Variants in TTN observed in about 807,000 individuals in gnomAD.
TTN encodes the protein connectin.
A neutral mutation model predicts 3,223.0 loss-of-function variants in TTN; 1,525 were observed. The ratio of observed to expected loss-of-function variants is 0.47; its 90% CI spans 0.45 to 0.49. The LOEUF (loss-of-function observed/expected upper bound fraction) is 0.49, where lower values mean the gene tolerates loss of function less well. Among genes scored for constraint, TTN ranks in the 20% least tolerant of loss-of-function variants. The pLI, the probability that TTN is intolerant of heterozygous loss-of-function variation, is 0.00. For missense variants in TTN, 40,786 were observed against 43,424.0 expected (o/e 0.94, Z 5.40); for synonymous variants, 14,094 against 15,161.0 (o/e 0.93, Z 5.17).
chr2:178,686,113 ATTTT>A lies in TTN; in HGVS notation c.32312-519_32312-516del, dbSNP rs765570520. Among the ~76,000 whole-genome samples the A allele has an allele frequency of 1.0e-4, 8 of 77,800 alleles. No homozygotes were observed. In the East Asian group the frequency reaches 1.3e-3, roughly 12 times the overall value. 51.0% of individuals were successfully genotyped at this position (77,800 alleles called of 152,430 possible). On this transcript the variant is annotated intron_variant, in intron 127 of 362. Transcript: ENST00000589042. Reference sequence around the variant, plus strand: ...TTGAGCCTAAGTGTATACAGTTTTAATTTTTTTTTTTTTTTTTTTTTTTTTGAGA... The same window carrying A: ...TTGAGCCTAAGTGTATACAGTTTTAATTTTTTTTTTTTTTTTTTTTTGAGA...
intron 239 of TTN, 137 bp from the exon 240 acceptor site, chr2:178,629,580 G>T: frequency 3.1e-6 from 4 of 1,281,468 alleles, no homozygotes; most frequent in Non-Finnish European, 4.3e-6. Flanking sequence ...ACTCCCACGT[G>T]AACGTGGCCC....
In TTN at chr2:178,574,508, G is replaced by T. The variant is rs771783837; in HGVS notation, c.71624C>A (p.Thr23875Asn). ...RKERNGILWQ[T>N]VSKALVPGNI... ...GCCTGGTACTAAAGCTTTGCTCACA[G>T]TCTGCCAGAGAATACCATTTCGTTC... Residue 23875 changes from threonine (T) to asparagine (N), a missense_variant, in exon 326 of 363, where the codon ACT becomes AAT. Thr to Asn is a moderately conservative substitution (Grantham distance 65). Coordinates refer to ENST00000589042, the MANE Select transcript of TTN (RefSeq NM_001267550.2). 28 of 1,613,484 alleles carry T rather than the reference G, an allele frequency of 1.7e-5. No homozygotes were observed. Among genetic ancestry groups the T allele is most frequent in the Non-Finnish European group, 2.4e-5 (28 of 1,179,630 alleles).
intron 234 of TTN, 58 bp downstream of exon 234, chr2:178,632,860 G>T (rs1484440870): frequency 8.1e-6 from 13 of 1,611,978 alleles, no homozygotes; most frequent in Non-Finnish European, 2.5e-6. Flanking sequence ...CAATGCAGGG[G>T]TGTATCAGGA....
rs538385596 is a variant in TTN, at chr2:178,561,474, C to T, written c.84658G>A (p.Asp28220Asn). ...CGATACTCATACATCAGTCCTTCAT[C>T]AAGGCCGGAGACTTTCATTTGAGTA... Reference protein sequence around the residue: ...ADTQMKVSGLDEGLMYEYRVY... With the variant: ...ADTQMKVSGLNEGLMYEYRVY... Residue 28220 changes from aspartate (D) to asparagine (N), a missense_variant, in exon 326 of 363, where the codon GAT (aspartate) becomes AAT (asparagine). Physicochemically the swap from Asp to Asn is conservative, Grantham distance 23 (BLOSUM62 1). Coordinates refer to ENST00000589042, the MANE Select transcript of TTN (RefSeq NM_001267550.2). The T allele has an allele frequency of 6.2e-7, 1 of 1,613,786 alleles. No individual in the cohort carries two copies. The highest frequency in any genetic ancestry group is 8.5e-7 in the Non-Finnish European group (1 of 1,179,772).
In TTN at chr2:178,567,908, T is replaced by A. The variant is rs776380915; in HGVS notation, c.78224A>T (p.Lys26075Ile). The change falls in exon 326 of 363, where the codon AAA becomes ATA. Residue 26075 changes from lysine to isoleucine, a missense_variant. Transcript: ENST00000589042. ...ATAGCATTCAGAATTCTTGCTTGCT[T>A]TGCCTACACCAACAATATTTTCAGC... Reference protein sequence around the residue: ...VYAENIVGVGKASKNSECYVA... With the variant: ...VYAENIVGVGIASKNSECYVA... 6.2e-7 allele frequency: 1 copy of A among 1,613,436 alleles called. No individual in the cohort carries two copies. The highest frequency in any genetic ancestry group is 1.3e-5 in the African/African-American group (1 of 74,876).
chr2:178,652,646 C>A lies in TTN; in HGVS notation c.39043+7G>T. 6.2e-7 allele frequency: 1 copy of A among 1,612,942 alleles called. No homozygotes were observed. The highest frequency in any genetic ancestry group is 8.5e-7 in the Non-Finnish European group (1 of 1,179,462). The stretch of plus-strand genomic sequence containing the variant: ...ATCTTCTGACGCTTAAACTCAATGA[C>A]AAATACCTTTAACAGGTGGGACTTC... On this transcript the variant is annotated splice_region_variant and intron_variant, in intron 201 of 362. Transcript: ENST00000589042.
Position 178,781,154 on chromosome 2 carries a change from C to T in TTN, c.3490G>A (p.Glu1164Lys). 1 of 1,614,056 alleles carries T rather than the reference C, an allele frequency of 6.2e-7. No homozygotes were observed. The highest frequency in any genetic ancestry group is 1.1e-5 in the South Asian group (1 of 91,086). The stretch of plus-strand genomic sequence containing the variant: ...AGCAAGGAAGCAGATGCAGAAGTTT[C>T]TCCATGCTTATTGCGAACAACAATA... ...YTIVVRNKHG[E>K]TSASASLLEE... The change falls in exon 21 of 363, where the codon GAA (glutamate) becomes AAA (lysine). Residue 1164 changes from glutamate (E) to lysine (K), a missense_variant. Physicochemically the swap from Glu to Lys is moderately conservative, Grantham distance 56. Transcript: ENST00000589042.
rs1306239326 is a variant in TTN at position 178,568,915 on chromosome 2, A to G, written c.77217T>C (p.Ala25739=). The G allele has an allele frequency of 1.2e-6, 2 of 1,613,248 alleles. No homozygotes were observed. The change falls in exon 326 of 363, where the codon GCT becomes GCC. Residue 25739 remains alanine (A), a synonymous_variant. Transcript: ENST00000589042. The part of the protein sequence containing the change: ...KIIQYIVEMQ[A]KHSEKWSECA... ...ACTCTGACCATTTCTCACTGTGTTT[A>G]GCTTGCATTTCCACAATATACTGAA... is the stretch of plus-strand genomic sequence containing the variant.
In TTN at chr2:178,557,468, C is replaced by T; in HGVS notation, c.87794G>A (p.Gly29265Glu). The T allele has an allele frequency of 6.2e-7, 1 of 1,613,928 alleles. No individual in the cohort carries two copies. The highest frequency in any genetic ancestry group is 8.5e-7 in the Non-Finnish European group (1 of 1,179,860). Residue 29265 changes from glycine to glutamate, a missense_variant, in exon 329 of 363, where the codon GGA becomes GAA. Gly to Glu is a moderately conservative substitution (Grantham distance 98). Coordinates refer to ENST00000589042, the MANE Select transcript of TTN (RefSeq NM_001267550.2). ...TVGWHEPVSN[G>E]GSAVVGYHLE... ...GTGATAGCCTACGACTGCACTGCCT[C>T]CATTTGACACTGGTTCATGCCAGCC... is the stretch of plus-strand genomic sequence containing the variant.
At position 178,677,700 on chromosome 2, in the gene TTN, A is replaced by C. The variant is rs1677045383; in HGVS notation, c.34212T>G (p.Tyr11404Ter). The change falls in exon 146 of 363, where the codon TAT becomes TAG. Residue 11404 changes from tyrosine to a stop codon, truncating the protein, a stop_gained. Transcript: ENST00000589042. LOFTEE classifies it high-confidence loss of function. The stretch of plus-strand genomic sequence containing the variant: ...GTACAAATTCTTCTTCCTCAGGTAC[A>C]TATTCTTCTTCGGGAGGAACTTCCT... ...EEEEVPPEEE[Y>*]VPEEEEFVPE... is the part of the protein sequence containing the mutation. 1.9e-6 allele frequency: 3 copies of C among 1,612,746 alleles called. No homozygotes were observed. Among genetic ancestry groups the C allele is most frequent in the Non-Finnish European group, 2.5e-6 (3 of 1,179,166 alleles).
chr2:178,642,632 T>G (rs2061390953), intron 218 of TTN, among the ~76,000 whole-genome samples: 1 of 151,962 alleles, frequency 6.6e-6, no homozygotes, highest in South Asian at 2.1e-4. Context: ...TGACAGCATC[T>G]TTGTCCCAAA....
Position 178,717,112 on chromosome 2 carries a change from G to A in TTN, c.25622C>T (p.Ala8541Val). ...SNIAGKDSCS[A>V]QLGVQEPPRF... ...ACAAGTACCTTGTACACCCAGCTGAGCAGAACAAGAGTCTTTTCCAGCGAT... is the reference window on the plus strand; with the variant it reads ...ACAAGTACCTTGTACACCCAGCTGAACAGAACAAGAGTCTTTTCCAGCGAT... Residue 8541 changes from alanine to valine, a missense_variant, in exon 88 of 363, where the codon GCT becomes GTT. Ala to Val is a moderately conservative substitution (Grantham distance 64). Transcript: ENST00000589042. The A allele has an allele frequency of 6.2e-7, 1 of 1,612,218 alleles. No individual in the cohort carries two copies. The highest frequency in any genetic ancestry group is 8.5e-7 in the Non-Finnish European group (1 of 1,178,624).
intron 41 of TTN, among the ~76,000 whole-genome samples, chr2:178,766,090 G>C (rs2090352226): frequency 6.6e-6 from 1 of 152,302 alleles, no homozygotes; most frequent in Non-Finnish European, 1.5e-5. Context: ...AGCGAATCTA[G>C]AAGCTCATCT....
chr2:178,586,366 CAT>C (rs999482518), intron 308 of TTN, 137 bp downstream of exon 308: 45 of 955,690 alleles, frequency 4.7e-5, no homozygotes, highest in Non-Finnish European at 6.0e-5. Context: ...TTGGCCCACT[CAT>C]GTGTTTGAAA....
Position 178,593,750 on chromosome 2 carries a change from A to G in TTN, c.58550T>C (p.Ile19517Thr), listed in dbSNP as rs72646838. Residue 19517 changes from isoleucine to threonine, a missense_variant, in exon 298 of 363, where the codon ATT becomes ACT. Transcript: ENST00000589042. Reference protein sequence around the residue: ...DGGSKITNYIIEKKEVGKDVW... With the variant: ...DGGSKITNYITEKKEVGKDVW... ...GTCTTTACCCACTTCCTTCTTCTCA[A>G]TAATATAATTGGTGATTTTACTGCC... The G allele has an allele frequency of 1.6e-5, 26 of 1,613,302 alleles. 1 individual carries two copies. In the Middle Eastern group the frequency reaches 9.9e-4, roughly 61 times the overall value.
chr2:178,785,640 T>C lies in TTN; in HGVS notation c.2473A>G (p.Lys825Glu), dbSNP rs781597755. ...CTTACCTCATATCCATGTTCTGTCT[T>C]AGGAACAGAAATTTTTGAAACAGTA... Reference protein sequence around the residue: ...HFTVSKISVPKTEHGYEASIA... With the variant: ...HFTVSKISVPETEHGYEASIA... The change falls in exon 15 of 363, where the codon AAG (lysine) becomes GAG (glutamate). Residue 825 changes from lysine to glutamate, a missense_variant. Lys to Glu is a moderately conservative substitution (Grantham distance 56, BLOSUM62 1). Coordinates refer to ENST00000589042, the MANE Select transcript of TTN (RefSeq NM_001267550.2). The C allele has an allele frequency of 9.3e-6, 15 of 1,614,032 alleles. No individual in the cohort carries two copies. The highest frequency in any genetic ancestry group is 1.1e-5 in the Non-Finnish European group (13 of 1,180,006).
chr2:178,757,039 T>C (rs1297411275), intron 45 of TTN, among the ~76,000 whole-genome samples: 1 of 151,948 alleles, frequency 6.6e-6, no homozygotes, highest in African/African-American at 2.4e-5. Context: ...AGTATCTGGT[T>C]CCTTCTTTCT....
Position 178,533,524 on chromosome 2 carries a change from A to G in TTN, c.103091T>C (p.Met34364Thr), listed in dbSNP as rs1057273567. Residue 34364 changes from methionine to threonine, a missense_variant, in exon 358 of 363, where the codon ATG (methionine) becomes ACG (threonine). Coordinates refer to ENST00000589042, the MANE Select transcript of TTN (RefSeq NM_001267550.2). Reference protein sequence around the residue: ...PPPTDSTLRPMFKRLLANAEC... With the variant: ...PPPTDSTLRPTFKRLLANAEC... ...TGCATTTGCCAGTAACCTTTTGAAC[A>G]TGGGTCTTAAGGTACTATCTGTTGG... 3.7e-6 allele frequency: 6 copies of G among 1,613,738 alleles called. No homozygotes were observed. Among genetic ancestry groups the G allele is most frequent in the Admixed American group, 1.7e-5 (1 of 60,014 alleles).
In TTN at chr2:178,579,955, A is replaced by T; in HGVS notation, c.67332T>A (p.Asp22444Glu). 6.2e-7 allele frequency: 1 copy of T among 1,613,216 alleles called. No individual in the cohort carries two copies. ...YGIGDPGETR[D>E]AVKASQTPGP... Reference sequence around the variant, plus strand: ...TTTGCTTACGGGAAGCTTTGACAGCATCACGAGTTTCACCGGGATCACCAA... The same window carrying T: ...TTTGCTTACGGGAAGCTTTGACAGCTTCACGAGTTTCACCGGGATCACCAA... Residue 22444 changes from aspartate to glutamate, a missense_variant, in exon 318 of 363, where the codon GAT becomes GAA. Transcript: ENST00000589042.
Sources: gnomAD v4.1 joint callset for allele counts (sites outside exome capture counted in the v4.1 genomes callset) on GRCh38, gnomAD v4.1.1 for gene constraint, MANE v1.5 for transcripts, NCBI Gene and HGNC (gene_info 2026-07-23, HGNC 2026-07-21) for gene names.